Variants in THSD7A observed in about 807,000 individuals in gnomAD.
THSD7A encodes the protein thrombospondin type 1 domain containing 7A, also known as thrombospondin type-1 domain-containing protein 7A.
Under a neutral mutation model 231.3 loss-of-function variants are expected in THSD7A, and 96 were observed. The ratio of observed to expected loss-of-function variants is 0.41; its 90% CI spans 0.35 to 0.49. THSD7A has a LOEUF of 0.49. THSD7A is among the 20% of genes least tolerant of loss of function. The pLI is 0.05. For missense variants in THSD7A, 2,290 were observed against 2,070.2 expected (o/e 1.11, Z -2.06); for synonymous variants, 940 against 743.3 (o/e 1.26, Z -4.30).
In THSD7A at chr7:11,401,820, C is replaced by G. The variant is rs1342030406; in HGVS notation, c.4386G>C (p.Gln1462His). 1 of 1,613,388 alleles carries G rather than the reference C, an allele frequency of 6.2e-7. No individual in the cohort carries two copies. Among genetic ancestry groups the G allele is most frequent in the South Asian group, 1.1e-5 (1 of 90,974 alleles). ...CATAACATGATTTTGTTTCTAACATCTGCTCTGGGCACAGATGCTGATTCT... is the reference window on the plus strand; with the variant it reads ...CATAACATGATTTTGTTTCTAACATGTGCTCTGGGCACAGATGCTGATTCT... ...ELENQHLCPE[Q>H]MLETKSCYDG... The change falls in exon 23 of 28, where the codon CAG (glutamine) becomes CAC (histidine). Residue 1462 changes from glutamine to histidine, a missense_variant. Coordinates refer to ENST00000423059, the MANE Select transcript of THSD7A (RefSeq NM_015204.3).
At position 11,474,596 on chromosome 7, in the gene THSD7A, T is replaced by C; in HGVS notation, c.2018-28A>G. On this transcript the variant is annotated intron_variant, in intron 7 of 27. Coordinates refer to ENST00000423059, the MANE Select transcript of THSD7A (RefSeq NM_015204.3). The surrounding 1 kb of genome is among the most constrained non-coding windows in gnomAD (Gnocchi z 4.1). ...AAAAACATGGACAATGATAGCAAAT[T>C]AGATACGGTGCCAACAGGAACCTTA... 1 of 1,553,112 alleles carries C rather than the reference T, an allele frequency of 6.4e-7. No individual in the cohort carries two copies. Among genetic ancestry groups the C allele is most frequent in the South Asian group, 1.2e-5 (1 of 86,190 alleles).
intron 4 of THSD7A, 35 bp from the exon 5 acceptor site, chr7:11,543,152 A>T (rs764334418): frequency 6.3e-7 from 1 of 1,580,578 alleles, no homozygotes; most frequent in South Asian, 1.1e-5. Flanking sequence ...TAAAAAATGA[A>T]CAAAAGGAAC....
At chr7:11,778,113 C>T (rs1213806629) in intron 1 of THSD7A, among the ~76,000 whole-genome samples, 3 of 130,048 alleles carry the variant, frequency 2.3e-5, no homozygotes, top group African/African-American at 5.6e-5. Flanking sequence ...GCCGAGATCC[C>T]GCCACTGCAC....
At chr7:11,387,181 C>G (rs1231898862) in intron 23 of THSD7A, among the ~76,000 whole-genome samples, 2 of 152,104 alleles carry the variant, frequency 1.3e-5, no homozygotes, top group East Asian at 3.9e-4. Context: ...TTAGGATTGT[C>G]TTGGCTATGC....
At chr7:11,610,790 G>A (rs551936927) in intron 2 of THSD7A, among the ~76,000 whole-genome samples, 7 of 152,162 alleles carry the variant, frequency 4.6e-5, no homozygotes, top group African/African-American at 1.7e-4. Context: ...ACAACTATAT[G>A]GAATTTCTGC....
intron 1 of THSD7A, among the ~76,000 whole-genome samples, chr7:11,658,954 T>G (rs1484308855): frequency 6.6e-6 from 1 of 151,676 alleles, no homozygotes; most frequent in Non-Finnish European, 1.5e-5. Flanking sequence ...AAGGAGGGAA[T>G]TATCAACTGT....
At chr7:11,673,203 G>A (rs1443724069) in intron 1 of THSD7A, among the ~76,000 whole-genome samples, 1 of 152,094 alleles carries the variant, frequency 6.6e-6, no homozygotes, top group African/African-American at 2.4e-5. Flanking sequence ...TGGACGTAAG[G>A]AAGAGGTGAG....
intron 1 of THSD7A, among the ~76,000 whole-genome samples, chr7:11,666,180 G>A (rs1297325768): frequency 6.6e-6 from 1 of 152,000 alleles, no homozygotes; most frequent in Non-Finnish European, 1.5e-5. Context: ...TAAAATGCTT[G>A]GAGCCGGAGG....
At chr7:11,547,531 C>A (rs920451274) in intron 4 of THSD7A, among the ~76,000 whole-genome samples, 2 of 152,148 alleles carry the variant, frequency 1.3e-5, no homozygotes, top group African/African-American at 2.4e-5. Context: ...TTCCATCTAA[C>A]AACAACAGAA....
chr7:11,394,529 G>T (rs1783106719), intron 23 of THSD7A, among the ~76,000 whole-genome samples: 2 of 152,280 alleles, frequency 1.3e-5, no homozygotes, highest in South Asian at 4.1e-4. Flanking sequence ...TGAGGCAGAG[G>T]GCAAGGAGTA....
chr7:11,517,001 A>G (rs188733270), intron 6 of THSD7A, among the ~76,000 whole-genome samples: 1 of 152,120 alleles, frequency 6.6e-6, no homozygotes, highest in East Asian at 1.9e-4. Context: ...ATAATTGTAT[A>G]TGTAATACGC....
At chr7:11,494,614 G>T (rs533314098) in intron 6 of THSD7A, among the ~76,000 whole-genome samples, 1 of 152,012 alleles carries the variant, frequency 6.6e-6, no homozygotes, top group South Asian at 2.1e-4. Context: ...GGCAATTCAA[G>T]TGGGAAGTAA....
At chr7:11,459,444 G>C (rs1330598289) in intron 11 of THSD7A, among the ~76,000 whole-genome samples, 1 of 152,042 alleles carries the variant, frequency 6.6e-6, no homozygotes, top group Admixed American at 6.6e-5. Context: ...ATTTGAAATG[G>C]AGGAGAACGA....
chr7:11,413,509 T>C (rs1443102848), intron 17 of THSD7A, among the ~76,000 whole-genome samples: 2 of 152,180 alleles, frequency 1.3e-5, no homozygotes, highest in East Asian at 3.9e-4. Flanking sequence ...AGTAAGAAAA[T>C]TATGGCAGTA....
Position 11,489,975 on chromosome 7 carries a change from G to T in THSD7A, c.1823-7993C>A, listed in dbSNP as rs139164228. On this transcript the variant is annotated intron_variant, in intron 6 of 27. Transcript: ENST00000423059. ...TCACAGTATGATACAATTATTTTCA[G>T]GGATTTCATTTTCAAAACCCTTTTT... Among the ~76,000 whole-genome samples the T allele has an allele frequency of 2.2e-4, 34 of 152,006 alleles. 3 individuals are homozygous for T. In the East Asian group the frequency reaches 6.6e-3, roughly 29 times the overall value.
chr7:11,817,768 G>C (rs1321254753), intron 1 of THSD7A, among the ~76,000 whole-genome samples: 1 of 152,074 alleles, frequency 6.6e-6, no homozygotes, highest in Admixed American at 6.5e-5. Flanking sequence ...ACATGGTATA[G>C]CTACAAAATA....
chr7:11,571,521 C>T (rs931417433), intron 4 of THSD7A, among the ~76,000 whole-genome samples: 1 of 152,122 alleles, frequency 6.6e-6, no homozygotes, highest in African/African-American at 2.4e-5. Flanking sequence ...TTTAAAAATT[C>T]TATTATTACC....
At chr7:11,536,248 C>T (rs534608006) in intron 6 of THSD7A, among the ~76,000 whole-genome samples, 7 of 152,192 alleles carry the variant, frequency 4.6e-5, no homozygotes, top group South Asian at 4.2e-4. Flanking sequence ...ACTGTTTAAT[C>T]GGGTCTTTGG....
intron 1 of THSD7A, among the ~76,000 whole-genome samples, chr7:11,727,764 T>C (rs1021008325): frequency 6.6e-6 from 1 of 152,032 alleles, no homozygotes; most frequent in Non-Finnish European, 1.5e-5. Flanking sequence ...CAATACGAAT[T>C]GTTTATTCAT....
Sources: gnomAD v4.1 joint callset for allele counts (sites outside exome capture counted in the v4.1 genomes callset) on GRCh38, gnomAD v4.1.1 for gene constraint, Gnocchi (gnomAD v3.1) non-coding constraint, MANE v1.5 for transcripts, NCBI Gene and HGNC (gene_info 2026-07-23, HGNC 2026-07-21) for gene names.